The following ZSWIM6 variants were observed in gnomAD, a reference collection of about 807,000 sequenced individuals.
The protein encoded by ZSWIM6 is zinc finger SWIM-type containing 6.
A neutral mutation model predicts 113.2 loss-of-function variants in ZSWIM6; 9 were observed. That is an observed-to-expected ratio of 0.08 (90% CI 0.05 to 0.14). The LOEUF is 0.14. Ranked by LOEUF, ZSWIM6 falls within the 10% of genes least tolerant of loss-of-function variation. The pLI is 1.00. For missense variants in ZSWIM6, 1,162 were observed against 1,552.2 expected, an observed-to-expected ratio of 0.75 and a Z score of 4.22; for synonymous variants, 611 against 606.5, an observed-to-expected ratio of 1.01 and a Z score of -0.11.
In ZSWIM6 at chr5:61,359,148, C is replaced by G. The variant is rs546100453; in HGVS notation, c.676+26200C>G. Among the ~76,000 whole-genome samples the G allele has an allele frequency of 1.1e-4, 16 of 152,162 alleles. No individual in the cohort carries two copies. The South Asian group carries it at 1.5e-3, about 14-fold the overall frequency. ...TCTCAATGAGATGGAAAGGATAAGGCTCTGCAGTGGGAGTGGATCAGAGAG... is the reference window on the plus strand; with the variant it reads ...TCTCAATGAGATGGAAAGGATAAGGGTCTGCAGTGGGAGTGGATCAGAGAG... On this transcript the variant is annotated intron_variant, in intron 1 of 13. Transcript: ENST00000252744.
intron 1 of ZSWIM6, chr5:61,375,140 A>T: frequency 1.2e-6 from 2 of 1,612,102 alleles, no homozygotes; most frequent in East Asian, 4.5e-5. Context: ...CGGGTGGCCT[A>T]TATGAACCCA....
chr5:61,522,008 C>T, intron 5 of ZSWIM6, among the ~76,000 whole-genome samples: 1 of 151,920 alleles, frequency 6.6e-6, no homozygotes, highest in Non-Finnish European at 1.5e-5. Flanking sequence ...CTAATAGTGC[C>T]CTCCAAGTTT....
intron 1 of ZSWIM6, among the ~76,000 whole-genome samples, chr5:61,466,275 C>T (rs753467430): frequency 1.3e-5 from 2 of 152,240 alleles, no homozygotes; most frequent in South Asian, 4.1e-4. Context: ...AGTTACTATA[C>T]ATTTAGCTAA....
chr5:61,355,313 A>G (rs1361914345), intron 1 of ZSWIM6, among the ~76,000 whole-genome samples: 2 of 152,236 alleles, frequency 1.3e-5, no homozygotes, highest in Non-Finnish European at 2.9e-5. Flanking sequence ...GGCTAGAGAA[A>G]GTCAAGTTGA....
chr5:61,473,508 T>C (rs1186795063), intron 2 of ZSWIM6, among the ~76,000 whole-genome samples: 1 of 152,212 alleles, frequency 6.6e-6, no homozygotes, highest in Non-Finnish European at 1.5e-5. Flanking sequence ...TATGAATATT[T>C]TGTATAAGAA....
intron 1 of ZSWIM6, among the ~76,000 whole-genome samples, chr5:61,463,020 C>A (rs13157657): frequency 0.38 from 57,137 of 151,886 alleles, 10,895 homozygotes; most frequent in South Asian, 0.43. Context: ...ATATTTTTTT[C>A]ATTAATTGAA....
intron 4 of ZSWIM6, among the ~76,000 whole-genome samples, chr5:61,496,299 C>A (rs1351445085): frequency 6.6e-6 from 1 of 152,144 alleles, no homozygotes; most frequent in Non-Finnish European, 1.5e-5. Context: ...CTCCTATGTA[C>A]TCTGATGGCA....
chr5:61,344,083 C>T (rs1011777793), intron 1 of ZSWIM6, among the ~76,000 whole-genome samples: 12 of 151,944 alleles, frequency 7.9e-5, no homozygotes, highest in Admixed American at 6.6e-4. Flanking sequence ...TTAGTAGAGA[C>T]GGGGTTTCAC....
intron 1 of ZSWIM6, among the ~76,000 whole-genome samples, chr5:61,372,652 T>C (rs893261402): frequency 2.6e-5 from 4 of 152,188 alleles, no homozygotes; most frequent in Non-Finnish European, 4.4e-5. Context: ...CAGGTTCAAG[T>C]GTTCACTTCT....
intron 5 of ZSWIM6, 126 bp from the exon 6 acceptor site, chr5:61,525,674 C>T: frequency 9.0e-7 from 1 of 1,106,482 alleles, no homozygotes; most frequent in Non-Finnish European, 1.3e-6. Context: ...CTTCACCCTT[C>T]TGCTTAGGGG....
intron 1 of ZSWIM6, among the ~76,000 whole-genome samples, chr5:61,449,664 G>T (rs1163929450): frequency 1.3e-5 from 2 of 152,178 alleles, no homozygotes; most frequent in East Asian, 3.8e-4. Flanking sequence ...AGATTTTGTT[G>T]TCATAGTTCC....
intron 1 of ZSWIM6, among the ~76,000 whole-genome samples, chr5:61,362,898 ATAAC>A (rs1300147944): frequency 6.6e-6 from 1 of 152,242 alleles, no homozygotes; most frequent in Non-Finnish European, 1.5e-5. Flanking sequence ...GTTACTATAA[ATAAC>A]AGAAACAGAT....
At chr5:61,452,271 C>T (rs1472224491) in intron 1 of ZSWIM6, among the ~76,000 whole-genome samples, 1 of 152,042 alleles carries the variant, frequency 6.6e-6, no homozygotes, top group African/African-American at 2.4e-5. Context: ...TAGTTCATTC[C>T]TATTCATAGC....
chr5:61,503,946 T>C (rs892812085), intron 4 of ZSWIM6, among the ~76,000 whole-genome samples: 1 of 152,254 alleles, frequency 6.6e-6, no homozygotes, highest in African/African-American at 2.4e-5. Context: ...ATCTTACCCC[T>C]TTTTTCCACT....
intron 1 of ZSWIM6, among the ~76,000 whole-genome samples, chr5:61,421,633 C>G (rs1746357036): frequency 6.6e-6 from 1 of 152,196 alleles, no homozygotes; most frequent in African/African-American, 2.4e-5. Context: ...CCTCTTTCTC[C>G]TCCTACACTC....
intron 4 of ZSWIM6, among the ~76,000 whole-genome samples, chr5:61,512,888 C>A (rs574471906): frequency 6.6e-6 from 1 of 151,950 alleles, no homozygotes; most frequent in South Asian, 2.1e-4. Flanking sequence ...TATACCCCTT[C>A]CCCCGAGCTT....
At chr5:61,475,611 A>G (rs10053273) in intron 2 of ZSWIM6, among the ~76,000 whole-genome samples, 3,781 of 152,196 alleles carry the variant, frequency 0.025, 72 homozygotes, top group Middle Eastern at 0.051. Flanking sequence ...TTTATCATCA[A>G]ATTTGCTCCC....
intron 1 of ZSWIM6, among the ~76,000 whole-genome samples, chr5:61,428,910 C>T (rs183341857): frequency 7.9e-5 from 12 of 152,234 alleles, no homozygotes; most frequent in Admixed American, 7.2e-4. Context: ...GTGCCCCTCA[C>T]CTTGGCTGTC....
chr5:61,333,028 G>A (rs1744299672), intron 1 of ZSWIM6, 80 bp downstream of exon 1: 9 of 1,088,770 alleles, frequency 8.3e-6, no homozygotes, highest in Admixed American at 4.6e-5. Context: ...TTTCTCCTGC[G>A]GACAGCCCCT....
Sources: allele counts gnomAD v4.1 joint callset (sites outside exome capture counted in the v4.1 genomes callset), GRCh38; gene constraint gnomAD v4.1.1; transcripts MANE v1.5; gene names NCBI Gene and HGNC (gene_info 2026-07-23, HGNC 2026-07-21).